MFF: variants seen among roughly 807,000 people sequenced by gnomAD.
MFF encodes mitochondrial fission factor.
MFF carries 12 observed loss-of-function variants against 36.9 expected under a neutral mutation model. The ratio of observed to expected loss-of-function variants is 0.33; its 90% CI spans 0.21 to 0.53. The LOEUF is 0.53. Ranked by LOEUF, MFF falls within the 20% of genes least tolerant of loss-of-function variation. The pLI, the probability that MFF is intolerant of heterozygous loss-of-function variation, is 0.95. For missense variants in MFF, 348 were observed against 366.6 expected (o/e 0.95, Z 0.42); for synonymous variants, 99 against 126.2 (o/e 0.78, Z 1.44).
At chr2:227,326,509 A>AT (rs2074151070) in intron 1 of MFF, among the ~76,000 whole-genome samples, 1 of 152,036 alleles carries the variant, frequency 6.6e-6, no homozygotes, top group Non-Finnish European at 1.5e-5. Context: ...TGGTTTTGCC[A>AT]TTTTTTCCAA....
At chr2:227,347,525 TTTC>T (rs1211847390) in intron 6 of MFF, 141 bp downstream of exon 6, 2 of 672,434 alleles carry the variant, frequency 3.0e-6, no homozygotes, top group African/African-American at 3.6e-5. Flanking sequence ...CTTGCTTTAC[TTTC>T]TTTTAATTTG....
rs80167616 is a variant in MFF at position 227,356,944 on chromosome 2, A to T, written c.745-42A>T. 1,409 of 1,477,214 alleles carry T rather than the reference A, an allele frequency of 9.5e-4. 13 individuals are homozygous for T. The African/African-American group carries it at 0.018, about 19-fold the overall frequency. The allele number at this position is 1,477,214 out of a possible 1,614,324, so 91.5% of individuals were successfully genotyped here. A position where few individuals can be genotyped will look rare whatever the true frequency, so the allele number is the denominator to read the frequency against. ...AGAATCTGATTGCCCTATTCATTAA[A>T]GCCTCTATATTATATTTTTTGTGTG... On this transcript the variant is annotated intron_variant, in intron 8 of 8. Coordinates refer to ENST00000304593, the MANE Select transcript of MFF (RefSeq NM_001277062.2).
At chr2:227,344,921 A>T (rs960570577) in intron 5 of MFF, among the ~76,000 whole-genome samples, 4 of 152,190 alleles carry the variant, frequency 2.6e-5, no homozygotes, top group Non-Finnish European at 5.9e-5. Context: ...ACTTAATTTC[A>T]TCTTTTATCT....
At chr2:227,328,581 A>G (rs528082358) in intron 1 of MFF, 97 bp from the exon 2 acceptor site, 1 of 152,090 alleles carries the variant, frequency 6.6e-6, no homozygotes, top group Non-Finnish European at 1.5e-5. Context: ...CAGGTTGTGC[A>G]TCTTTGTGAC....
intron 2 of MFF, chr2:227,329,952 T>A: frequency 2.0e-6 from 1 of 492,240 alleles, no homozygotes; most frequent in Non-Finnish European, 3.6e-6. Context: ...AAATATGATA[T>A]TAAATACAGA....
Position 227,347,333 on chromosome 2 carries a change from C to T in MFF, c.548C>T (p.Ser183Phe). 6.2e-7 allele frequency: 1 copy of T among 1,613,824 alleles called. No individual in the cohort carries two copies. Among genetic ancestry groups the T allele is most frequent in the South Asian group, 1.1e-5 (1 of 91,076 alleles). Residue 183 changes from serine (S) to phenylalanine (F), a missense_variant, in exon 6 of 9, where the codon TCT becomes TTT. By Grantham distance (155) the Ser-to-Phe change is radical. Transcript: ENST00000304593. ...ARGILSLIQS[S>F]TRRAYQQILD... ...GGCATTTTGTCGCTTATCCAGTCTT[C>T]TACTCGTAGGGCATACCAGCAGATC...
intron 4 of MFF, among the ~76,000 whole-genome samples, chr2:227,336,857 G>A (rs1360685822): frequency 1.3e-5 from 2 of 152,202 alleles, no homozygotes; most frequent in African/African-American, 4.8e-5. Context: ...ACAACGCTAA[G>A]GATGTGAAGC....
chr2:227,326,061 C>T (rs944934794), intron 1 of MFF, among the ~76,000 whole-genome samples: 4 of 151,990 alleles, frequency 2.6e-5, no homozygotes, highest in Non-Finnish European at 5.9e-5. Context: ...AGCTGCGGTT[C>T]CTGTTCCGCC....
intron 5 of MFF, among the ~76,000 whole-genome samples, chr2:227,342,488 A>G (rs761745364): frequency 3.9e-5 from 6 of 152,150 alleles, no homozygotes; most frequent in Non-Finnish European, 5.9e-5. Context: ...TCTTTGTAAC[A>G]TGAAATTGTT....
intron 5 of MFF, among the ~76,000 whole-genome samples, chr2:227,343,327 A>G (rs2075518602): frequency 6.6e-6 from 1 of 152,188 alleles, no homozygotes; most frequent in Non-Finnish European, 1.5e-5. Flanking sequence ...CACTCTTTCC[A>G]TGTGACAAAA....
intron 5 of MFF, among the ~76,000 whole-genome samples, chr2:227,344,420 TG>T (rs1559973491): frequency 6.6e-6 from 1 of 152,170 alleles, no homozygotes; most frequent in Admixed American, 6.5e-5. Context: ...GGTCCATGAG[TG>T]GACGGAGATG....
intron 2 of MFF, chr2:227,329,709 T>A: frequency 2.1e-6 from 3 of 1,425,150 alleles, no homozygotes; most frequent in Non-Finnish European, 3.0e-6. Flanking sequence ...TAGCAGTATT[T>A]TAATAGCTAT....
At chr2:227,345,997 G>A (rs765967538) in intron 5 of MFF, among the ~76,000 whole-genome samples, 27 of 152,066 alleles carry the variant, frequency 1.8e-4, no homozygotes, top group Non-Finnish European at 2.8e-4. Flanking sequence ...TTCTGTCTTT[G>A]GATCACCAAG....
chr2:227,340,156 A>G lies in MFF; in HGVS notation c.352-136A>G, dbSNP rs1253537408. 3.3e-5 allele frequency: 20 copies of G among 609,270 alleles called. No homozygotes were observed. The Admixed American group carries it at 5.5e-4, about 17-fold the overall frequency. 37.7% of individuals were successfully genotyped at this position (609,270 alleles called of 1,614,324 possible). ...GTCTGTCAGTAATACACTGCCTGGC[A>G]GCAATTCTTGGTTGCCTTTTCTTAG... On this transcript the variant is annotated intron_variant, in intron 4 of 8. Coordinates refer to ENST00000304593, the MANE Select transcript of MFF (RefSeq NM_001277062.2).
At chr2:227,350,236 T>C (rs1343024777) in intron 6 of MFF, among the ~76,000 whole-genome samples, 1 of 152,126 alleles carries the variant, frequency 6.6e-6, no homozygotes, top group Non-Finnish European at 1.5e-5. Context: ...TGTCATTTGC[T>C]CAGGTGCAGC....
chr2:227,353,599 G>C (rs774497063), intron 7 of MFF, among the ~76,000 whole-genome samples: 1 of 152,020 alleles, frequency 6.6e-6, no homozygotes, highest in African/African-American at 2.4e-5. Flanking sequence ...TTATCTTTCT[G>C]TCAGAGTATT....
chr2:227,338,736 A>T (rs927396305), intron 4 of MFF, among the ~76,000 whole-genome samples: 2 of 151,816 alleles, frequency 1.3e-5, no homozygotes, highest in African/African-American at 4.8e-5. Flanking sequence ...ATGCCGAGGC[A>T]GGAGAATTGC....
intron 7 of MFF, among the ~76,000 whole-genome samples, chr2:227,354,930 G>A (rs1262046440): frequency 6.6e-6 from 1 of 152,180 alleles, no homozygotes; most frequent in Non-Finnish European, 1.5e-5. Context: ...GGAGGCTGAG[G>A]TGGGTGGATC....
intron 5 of MFF, among the ~76,000 whole-genome samples, chr2:227,344,796 ATTT>A (rs1189510541): frequency 3.3e-5 from 5 of 152,038 alleles, no homozygotes; most frequent in African/African-American, 1.2e-4. Context: ...TGAAAAGCTA[ATTT>A]TTTTACTAAT....
Sources: allele counts gnomAD v4.1 joint callset (sites outside exome capture counted in the v4.1 genomes callset), GRCh38; gene constraint gnomAD v4.1.1; transcripts MANE v1.5; gene names NCBI Gene and HGNC (gene_info 2026-07-23, HGNC 2026-07-21).